Variants in AGAP1 observed in about 807,000 individuals in gnomAD.
The protein encoded by AGAP1 is ArfGAP with GTPase domain, ankyrin repeat and PH domain 1.
In AGAP1, 29 loss-of-function variants were observed where a neutral mutation model predicts 105.3. The ratio of observed to expected loss-of-function variants is 0.28; its 90% CI spans 0.21 to 0.38. The LOEUF (loss-of-function observed/expected upper bound fraction) is 0.38. AGAP1 is among the 10% of genes least tolerant of loss of function. The probability of loss-of-function intolerance (pLI) is 1.00; values close to 1 mark genes in which losing one functional copy is unlikely to be tolerated. For synonymous variants in AGAP1, 509 were observed against 485.9 expected, an observed-to-expected ratio of 1.05 and a Z score of -0.63; for missense variants, 998 against 1,165.1, an observed-to-expected ratio of 0.86 and a Z score of 2.09.
In AGAP1 at chr2:235,750,124, A is replaced by G. The variant is rs1391718358; in HGVS notation, c.539-230A>G. Among the ~76,000 whole-genome samples, 10 of 152,160 alleles carry G rather than the reference A, an allele frequency of 6.6e-5. No individual in the cohort carries two copies. Among genetic ancestry groups the G allele is most frequent in the African/African-American group, 2.2e-4 (9 of 41,438 alleles). On this transcript the variant is annotated intron_variant, in intron 5 of 17. Coordinates refer to ENST00000304032, the MANE Select transcript of AGAP1 (RefSeq NM_001037131.3). This position sits in a 1 kb window ranked among gnomAD's most constrained non-coding sequence, Gnocchi z 5.3. ...TTTTTCCTTCTTTCTGAACATTTTA[A>G]AATTGCAGTTTCAGAAGCGCTCCTG...
At chr2:235,646,380 G>A (rs1378736016) in intron 1 of AGAP1, among the ~76,000 whole-genome samples, 1 of 151,784 alleles carries the variant, frequency 6.6e-6, no homozygotes, top group African/African-American at 2.4e-5. Context: ...GGTCCAAAAT[G>A]AATCTTTTGA....
rs1250597608 is a variant in AGAP1 at position 235,623,473 on chromosome 2, C to G, written c.164-85706C>G. On this transcript the variant is annotated intron_variant, in intron 1 of 17. Coordinates refer to ENST00000304032, the MANE Select transcript of AGAP1 (RefSeq NM_001037131.3). This position sits in a 1 kb window ranked among gnomAD's most constrained non-coding sequence, Gnocchi z 4.5. The stretch of plus-strand genomic sequence containing the variant: ...GCTGCTTCAAGGTTTCAGGATGACA[C>G]AAGCCATCGGGTTGAGTGTGTTTGT... Among the ~76,000 whole-genome samples the G allele has an allele frequency of 1.3e-5, 2 of 152,176 alleles. No homozygotes were observed. Among genetic ancestry groups the G allele is most frequent in the Non-Finnish European group, 2.9e-5 (2 of 68,036 alleles).
rs2053740790 is a variant in AGAP1 at position 235,951,528 on chromosome 2, TG to T, written c.1484-16932del. Among the ~76,000 whole-genome samples, 1 of 152,214 alleles carries T rather than the reference TG, an allele frequency of 6.6e-6. No individual in the cohort carries two copies. The highest frequency in any genetic ancestry group is 1.5e-5 in the Non-Finnish European group (1 of 68,040). On this transcript the variant is annotated intron_variant, in intron 12 of 17. Coordinates refer to ENST00000304032, the MANE Select transcript of AGAP1 (RefSeq NM_001037131.3). This position sits in a 1 kb window ranked among gnomAD's most constrained non-coding sequence, Gnocchi z 4.2. ...GTTATTTTTGGAATGATTGCAGGGT[TG>T]GTTTAAGATTGCCATGACCACATAT...
At chr2:235,709,351 C>T in intron 2 of AGAP1, 114 bp downstream of exon 2, 1 of 1,237,638 alleles carries the variant, frequency 8.1e-7, no homozygotes, top group Non-Finnish European at 1.2e-6. Flanking sequence ...GGAAGTGTGA[C>T]TCTGGGTGTG....
At chr2:235,605,180 A>G (rs552096117) in intron 1 of AGAP1, among the ~76,000 whole-genome samples, 6 of 152,322 alleles carry the variant, frequency 3.9e-5, no homozygotes, top group African/African-American at 1.4e-4. Context: ...GCCCAGCCTC[A>G]TGTTTCTTTT....
At chr2:235,650,897 T>C (rs1398859976) in intron 1 of AGAP1, among the ~76,000 whole-genome samples, 1 of 151,996 alleles carries the variant, frequency 6.6e-6, no homozygotes, top group Admixed American at 6.6e-5. Flanking sequence ...ATAGAGACCC[T>C]GGCCAGGCGT....
chr2:235,783,133 A>AT (rs1956380453), intron 6 of AGAP1, among the ~76,000 whole-genome samples: 1 of 151,184 alleles, frequency 6.6e-6, no homozygotes, highest in East Asian at 2.0e-4. Context: ...CTTAAATACC[A>AT]TTTTTCTCAG....
rs1946491111 is a variant in AGAP1 at position 235,621,859 on chromosome 2, A to G, written c.164-87320A>G. On this transcript the variant is annotated intron_variant, in intron 1 of 17. Coordinates refer to ENST00000304032, the MANE Select transcript of AGAP1 (RefSeq NM_001037131.3). The surrounding 1 kb of genome is among the most constrained non-coding windows in gnomAD (Gnocchi z 4.1). ...ATGTTCTGGCTCTCTGCAGTTGGGT[A>G]GGAGTGGAGGAGGGGTGCGATCGGA... Among the ~76,000 whole-genome samples the G allele has an allele frequency of 6.6e-6, 1 of 152,082 alleles. No individual in the cohort carries two copies.
rs149029277 is a variant in AGAP1 at position 236,014,430 on chromosome 2, G to A, written c.1646-22131G>A. Among the ~76,000 whole-genome samples the A allele has an allele frequency of 7.1e-4, 108 of 152,320 alleles. No individual in the cohort carries two copies. Among genetic ancestry groups the A allele is most frequent in the African/African-American group, 2.5e-3 (104 of 41,580 alleles). On this transcript the variant is annotated intron_variant, in intron 13 of 17. Transcript: ENST00000304032. This position sits in a 1 kb window ranked among gnomAD's most constrained non-coding sequence, Gnocchi z 6.3. ...TTGGCCGAATCAAAGGGCTTGTGGC[G>A]ACTGGCATCATAGCTCCTTCAAAGG...
Position 235,799,633 on chromosome 2 carries a change from A to C in AGAP1, c.957+111A>C. ...TATTTGTAGAATCTCAACTATATTA[A>C]AGTGAATAACATTGATTTCTGTGGA... is the stretch of plus-strand genomic sequence containing the variant. On this transcript the variant is annotated intron_variant, in intron 8 of 17. Coordinates refer to ENST00000304032, the MANE Select transcript of AGAP1 (RefSeq NM_001037131.3). This position sits in a 1 kb window ranked among gnomAD's most constrained non-coding sequence, Gnocchi z 5.0. 8.2e-7 allele frequency: 1 copy of C among 1,223,006 alleles called. No homozygotes were observed. Among genetic ancestry groups the C allele is most frequent in the Non-Finnish European group, 1.1e-6 (1 of 883,614 alleles). 75.8% of individuals were successfully genotyped at this position (1,223,006 alleles called of 1,614,324 possible).
intron 9 of AGAP1, among the ~76,000 whole-genome samples, chr2:235,807,566 T>C (rs1394525264): frequency 6.6e-6 from 1 of 152,190 alleles, no homozygotes; most frequent in East Asian, 1.9e-4. Context: ...CCCGCCTGCA[T>C]ATGGAGTGCG....
rs761612585 is a variant in AGAP1, at chr2:235,714,561, C to T, written c.223-2996C>T. Among the ~76,000 whole-genome samples the T allele has an allele frequency of 3.3e-5, 5 of 151,268 alleles. No individual in the cohort carries two copies. Among genetic ancestry groups the T allele is most frequent in the Middle Eastern group, 3.2e-3 (1 of 316 alleles). On this transcript the variant is annotated intron_variant, in intron 2 of 17. Transcript: ENST00000304032. This position sits in a 1 kb window ranked among gnomAD's most constrained non-coding sequence, Gnocchi z 4.1. ...AAGCAGGGAGCGGGCAGATGAGAGG[C>T]GGGAGGGTTGTAACTGGGGTGTAAG... is the stretch of plus-strand genomic sequence containing the variant.
chr2:236,064,960 T>A (rs1490265214), intron 16 of AGAP1, among the ~76,000 whole-genome samples: 1 of 152,230 alleles, frequency 6.6e-6, no homozygotes, highest in Non-Finnish European at 1.5e-5. Flanking sequence ...ACTTTTTCAT[T>A]GTTTTCTTTC....
In AGAP1 at chr2:236,051,755, T is replaced by A. The variant is rs796416512; in HGVS notation, c.2114+2474T>A. Reference sequence around the variant, plus strand: ...ATTCATGGGTTCTGTCTGTCCCACCTGTTCCCAAGAGGACTAAAGGCAGCC... The same window carrying A: ...ATTCATGGGTTCTGTCTGTCCCACCAGTTCCCAAGAGGACTAAAGGCAGCC... On this transcript the variant is annotated intron_variant, in intron 16 of 17. Coordinates refer to ENST00000304032, the MANE Select transcript of AGAP1 (RefSeq NM_001037131.3). This position sits in a 1 kb window ranked among gnomAD's most constrained non-coding sequence, Gnocchi z 5.9. Among the ~76,000 whole-genome samples, 8 of 152,266 alleles carry A rather than the reference T, an allele frequency of 5.3e-5. No homozygotes were observed. In the South Asian group the frequency reaches 1.7e-3, roughly 32 times the overall value.
chr2:235,989,641 G>A lies in AGAP1; in HGVS notation c.1645+21018G>A, dbSNP rs1268081983. ...TGGGAGAAACTAGAGGGGATTAGGA[G>A]AGTTCGGGCTGCACCAGCTCCTGGG... On this transcript the variant is annotated intron_variant, in intron 13 of 17. Transcript: ENST00000304032. This position sits in a 1 kb window ranked among gnomAD's most constrained non-coding sequence, Gnocchi z 4.4. 6.6e-6 allele frequency among the ~76,000 whole-genome samples: 1 copy of A among 152,206 alleles called. No homozygotes were observed. Among genetic ancestry groups the A allele is most frequent in the Non-Finnish European group, 1.5e-5 (1 of 68,044 alleles).
intron 11 of AGAP1, among the ~76,000 whole-genome samples, chr2:235,929,170 G>A (rs767176115): frequency 1.3e-5 from 2 of 152,240 alleles, no homozygotes; most frequent in Non-Finnish European, 2.9e-5. Context: ...CCAGTGGTCT[G>A]CCGTGGTGGA....
chr2:235,969,880 G>T (rs1039095190), intron 13 of AGAP1, among the ~76,000 whole-genome samples: 3 of 152,192 alleles, frequency 2.0e-5, no homozygotes, highest in Admixed American at 6.5e-5. Flanking sequence ...CCTCCTGTAA[G>T]CTTCCTGCTA....
At chr2:236,006,608 A>G (rs1559184435) in intron 13 of AGAP1, among the ~76,000 whole-genome samples, 1 of 152,342 alleles carries the variant, frequency 6.6e-6, no homozygotes, top group South Asian at 2.1e-4. Context: ...TACTACCTCC[A>G]TGATGCAACT....
At chr2:235,533,126 G>A (rs1037690325) in intron 1 of AGAP1, among the ~76,000 whole-genome samples, 4 of 152,164 alleles carry the variant, frequency 2.6e-5, no homozygotes, top group Non-Finnish European at 5.9e-5. Context: ...TAGGAGCATC[G>A]CGGATGTGGA....
Sources: gnomAD v4.1 joint callset for allele counts (sites outside exome capture counted in the v4.1 genomes callset) on GRCh38, gnomAD v4.1.1 for gene constraint, Gnocchi (gnomAD v3.1) non-coding constraint, MANE v1.5 for transcripts, NCBI Gene and HGNC (gene_info 2026-07-23, HGNC 2026-07-21) for gene names.